Variants in BNC2 observed in about 807,000 individuals in gnomAD.
BNC2 encodes the protein zinc finger protein basonuclin-2.
In BNC2, 20 loss-of-function variants were observed where a neutral mutation model predicts 76.3. The observed-to-expected ratio is 0.26, with a 90% CI of 0.18 to 0.38. The LOEUF is 0.38. Among genes scored for constraint, BNC2 ranks in the 10% least tolerant of loss-of-function variants. The pLI, the probability that BNC2 is intolerant of heterozygous loss-of-function variation, is 1.00. For missense variants in BNC2, 1,382 were observed against 1,399.8 expected (o/e 0.99, Z 0.20); for synonymous variants, 582 against 514.8 (o/e 1.13, Z -1.77).
chr9:16,597,842 A>G (rs1251462805), intron 3 of BNC2, among the ~76,000 whole-genome samples: 2 of 152,034 alleles, frequency 1.3e-5, no homozygotes, highest in East Asian at 1.9e-4. Context: ...TTATTTATTT[A>G]TCGTATAAAG....
intron 3 of BNC2, among the ~76,000 whole-genome samples, chr9:16,617,202 G>C (rs1399625169): frequency 6.6e-6 from 1 of 151,910 alleles, no homozygotes; most frequent in Non-Finnish European, 1.5e-5. Flanking sequence ...ATCAAAATGA[G>C]GTACTTCTTA....
At chr9:16,712,129 G>C (rs540608008) in intron 3 of BNC2, among the ~76,000 whole-genome samples, 1 of 152,282 alleles carries the variant, frequency 6.6e-6, no homozygotes, top group South Asian at 2.1e-4. Flanking sequence ...CTGCACTGTG[G>C]TGTCACAAAA....
intron 3 of BNC2, among the ~76,000 whole-genome samples, chr9:16,650,508 C>T (rs1307409954): frequency 6.6e-6 from 1 of 152,108 alleles, no homozygotes; most frequent in African/African-American, 2.4e-5. Flanking sequence ...GTCCACCAAA[C>T]TGCCTGGCTG....
At chr9:16,434,750 G>C (rs1417990252) in intron 6 of BNC2, 10 of 442,340 alleles carry the variant, frequency 2.3e-5, no homozygotes, top group Non-Finnish European at 3.6e-5. Context: ...CAACTACATA[G>C]CAAGAGTGTG....
intron 1 of BNC2, among the ~76,000 whole-genome samples, chr9:16,783,444 C>T (rs1826205281): frequency 6.6e-6 from 1 of 152,140 alleles, no homozygotes; most frequent in African/African-American, 2.4e-5. Context: ...ATAAATTATG[C>T]AAATCACAAT....
chr9:16,850,188 A>G (rs1040086460), intron 1 of BNC2, among the ~76,000 whole-genome samples: 4 of 152,220 alleles, frequency 2.6e-5, no homozygotes, highest in Admixed American at 6.5e-5. Context: ...TCAGGCTCCA[A>G]AATTTTACTT....
At chr9:16,601,501 A>C (rs1184899242) in intron 3 of BNC2, among the ~76,000 whole-genome samples, 2 of 152,184 alleles carry the variant, frequency 1.3e-5, no homozygotes, top group Non-Finnish European at 2.9e-5. Flanking sequence ...CAAGAGAAGT[A>C]AGCAGTTTCC....
intron 3 of BNC2, among the ~76,000 whole-genome samples, chr9:16,646,983 C>A (rs1026137246): frequency 6.6e-6 from 1 of 152,260 alleles, no homozygotes; most frequent in African/African-American, 2.4e-5. Context: ...CATGCCCACC[C>A]ATGAGCAGAC....
At chr9:16,665,463 AAAGAAAG>A (rs1563887984) in intron 3 of BNC2, among the ~76,000 whole-genome samples, 42 of 146,398 alleles carry the variant, frequency 2.9e-4, no homozygotes, top group African/African-American at 9.9e-4. Context: ...AGAAAGAAAG[AAAGAAAG>A]AAAGAAAGAA....
Position 16,570,761 on chromosome 9 carries a change from T to C in BNC2, c.433+12222A>G, listed in dbSNP as rs116149358. 6.4e-3 allele frequency among the ~76,000 whole-genome samples: 968 copies of C among 152,306 alleles called. 12 individuals are homozygous for C. Among genetic ancestry groups the C allele is most frequent in the African/African-American group, 0.022 (917 of 41,556 alleles). ...TTCTCTATTAGTGGGCTGTTTGACA[T>C]GTATGAGTTATCAACAAGGCAAAAA... is the stretch of plus-strand genomic sequence containing the variant. On this transcript the variant is annotated intron_variant, in intron 4 of 6. Coordinates refer to ENST00000380672, the MANE Select transcript of BNC2 (RefSeq NM_017637.6).
At chr9:16,656,381 T>A (rs996562478) in intron 3 of BNC2, among the ~76,000 whole-genome samples, 1 of 152,082 alleles carries the variant, frequency 6.6e-6, no homozygotes, top group African/African-American at 2.4e-5. Flanking sequence ...CCAGGAGAAC[T>A]GATGGTAGGA....
At chr9:16,851,256 C>A (rs1417436692) in intron 1 of BNC2, among the ~76,000 whole-genome samples, 1 of 152,046 alleles carries the variant, frequency 6.6e-6, no homozygotes, top group African/African-American at 2.4e-5. Context: ...GCCTATAATC[C>A]CAGCACTTTG....
chr9:16,830,504 T>G (rs1002105825), intron 1 of BNC2, among the ~76,000 whole-genome samples: 3 of 152,216 alleles, frequency 2.0e-5, no homozygotes, highest in Non-Finnish European at 4.4e-5. Context: ...CAAGAAAATA[T>G]TCTATACTGA....
At chr9:16,558,353 T>C (rs1209405346) in intron 4 of BNC2, among the ~76,000 whole-genome samples, 1 of 152,204 alleles carries the variant, frequency 6.6e-6, no homozygotes, top group Non-Finnish European at 1.5e-5. Flanking sequence ...TGCTTGAGAA[T>C]GCAAATCATA....
At chr9:16,784,882 A>C (rs183519452) in intron 1 of BNC2, among the ~76,000 whole-genome samples, 1 of 152,212 alleles carries the variant, frequency 6.6e-6, no homozygotes, top group South Asian at 2.1e-4. Flanking sequence ...AAGGCAATGC[A>C]AACTAAAACA....
At chr9:16,763,870 A>C (rs1190649837) in intron 1 of BNC2, among the ~76,000 whole-genome samples, 1 of 152,204 alleles carries the variant, frequency 6.6e-6, no homozygotes, top group Non-Finnish European at 1.5e-5. Flanking sequence ...CTAGTGTTTG[A>C]AAACTACAGA....
intron 5 of BNC2, among the ~76,000 whole-genome samples, chr9:16,522,873 A>C (rs1002615357): frequency 6.6e-6 from 1 of 152,168 alleles, no homozygotes; most frequent in Non-Finnish European, 1.5e-5. Flanking sequence ...ACTCTGTTTT[A>C]ACCCCCAGCT....
rs1480500104 is a variant in BNC2 at position 16,435,945 on chromosome 9, T to C, written c.2249A>G (p.Glu750Gly). 1 of 1,614,064 alleles carries C rather than the reference T, an allele frequency of 6.2e-7. No individual in the cohort carries two copies. The highest frequency in any genetic ancestry group is 8.5e-7 in the Non-Finnish European group (1 of 1,180,042). The stretch of plus-strand genomic sequence containing the variant: ...CCTCTCACTATTCATCAGGACTTTT[T>C]CACTCACTTCGCTGTGAATGTGCTC... ...GDEHIHSEVS[E>G]KVLMNSERPD... Residue 750 changes from glutamate (E) to glycine (G), a missense_variant, in exon 6 of 7, where the codon GAA (glutamate) becomes GGA (glycine). Coordinates refer to ENST00000380672, the MANE Select transcript of BNC2 (RefSeq NM_017637.6).
intron 3 of BNC2, among the ~76,000 whole-genome samples, chr9:16,603,139 C>T (rs1210566633): frequency 6.6e-6 from 1 of 152,100 alleles, no homozygotes; most frequent in African/African-American, 2.4e-5. Context: ...TTAAATCTAT[C>T]AAGAAGCAAA....
Sources: allele counts gnomAD v4.1 joint callset (sites outside exome capture counted in the v4.1 genomes callset), GRCh38; gene constraint gnomAD v4.1.1; transcripts MANE v1.5; gene names NCBI Gene and HGNC (gene_info 2026-07-23, HGNC 2026-07-21).